SLC1A3: variants seen among roughly 807,000 people sequenced by gnomAD.
SLC1A3 encodes solute carrier family 1 member 3, also known as excitatory amino acid transporter 1.
A neutral mutation model predicts 48.1 loss-of-function variants in SLC1A3; 21 were observed. The observed-to-expected ratio is 0.44, with a 90% CI of 0.31 to 0.63. The LOEUF (loss-of-function observed/expected upper bound fraction) is 0.63, where lower values mean the gene tolerates loss of function less well. Ranked by LOEUF, SLC1A3 falls within the 20% of genes least tolerant of loss-of-function variation. The probability of loss-of-function intolerance (pLI) is 0.08; values close to 1 mark genes in which losing one functional copy is unlikely to be tolerated. For missense variants in SLC1A3, 546 were observed against 689.0 expected (o/e 0.79, Z 2.32); for synonymous variants, 239 against 251.4 (o/e 0.95, Z 0.47).
At chr5:36,674,249 A>G (rs1356101497) in intron 5 of SLC1A3, among the ~76,000 whole-genome samples, 158 bp downstream of exon 5, 2 of 152,068 alleles carry the variant, frequency 1.3e-5, no homozygotes, top group Non-Finnish European at 2.9e-5. Context: ...TTTTGGGGGG[A>G]AAGGATGGTT....
intron 2 of SLC1A3, among the ~76,000 whole-genome samples, chr5:36,616,362 G>A (rs1424850519): frequency 6.6e-6 from 1 of 152,204 alleles, no homozygotes; most frequent in Middle Eastern, 3.2e-3. Context: ...TTAGATAAAG[G>A]AAGATATACC....
chr5:36,611,090 T>C (rs1000425075), intron 2 of SLC1A3, among the ~76,000 whole-genome samples: 1 of 152,138 alleles, frequency 6.6e-6, no homozygotes, highest in African/African-American at 2.4e-5. Context: ...GTTCCATGTC[T>C]ACCAGTCCTA....
At chr5:36,651,309 T>C (rs1017666633) in intron 3 of SLC1A3, among the ~76,000 whole-genome samples, 11 of 151,598 alleles carry the variant, frequency 7.3e-5, no homozygotes, top group African/African-American at 2.7e-4. Context: ...GGCAACACCA[T>C]ATTGATCCTA....
intron 1 of SLC1A3, among the ~76,000 whole-genome samples, chr5:36,596,721 T>C (rs538367043): frequency 3.9e-5 from 6 of 152,228 alleles, no homozygotes; most frequent in African/African-American, 1.4e-4. Context: ...ACAGCAAACA[T>C]CTAAAAAGAG....
intron 3 of SLC1A3, among the ~76,000 whole-genome samples, chr5:36,644,917 G>C (rs1740774592): frequency 6.6e-6 from 1 of 152,146 alleles, no homozygotes; most frequent in Non-Finnish European, 1.5e-5. Flanking sequence ...TGCAACAGGA[G>C]GACCTCTGGA....
intron 3 of SLC1A3, among the ~76,000 whole-genome samples, chr5:36,661,303 T>C (rs745643261): frequency 6.4e-4 from 98 of 152,142 alleles, no homozygotes; most frequent in Admixed American, 2.3e-3. Flanking sequence ...TCCCAGCTAC[T>C]TGGGAGGCTG....
In SLC1A3 at chr5:36,665,815, C is replaced by T. The variant is rs573074741; in HGVS notation, c.320-5214C>T. ...GAACTCTTAACCACTGTGCCACTGT[C>T]TCTTAGATTACATTCCGAGGCTATC... On this transcript the variant is annotated intron_variant, in intron 3 of 9. Transcript: ENST00000265113. Among the ~76,000 whole-genome samples the T allele has an allele frequency of 9.2e-5, 14 of 152,278 alleles. No homozygotes were observed. In the South Asian group the frequency reaches 1.0e-3, roughly 11 times the overall value.
intron 3 of SLC1A3, among the ~76,000 whole-genome samples, chr5:36,646,398 C>A (rs891321339): frequency 6.6e-6 from 1 of 152,146 alleles, no homozygotes; most frequent in African/African-American, 2.4e-5. Context: ...CATAAAATAA[C>A]CCTCAAAAAA....
In SLC1A3 at chr5:36,687,520, G is replaced by C. The variant is rs1451188616; in HGVS notation, c.*1251G>C. The C allele has an allele frequency of 1.3e-5, 2 of 152,114 alleles. No individual in the cohort carries two copies. The highest frequency in any genetic ancestry group is 4.8e-5 in the African/African-American group (2 of 41,406). The allele number at this position is 152,114 out of a possible 1,614,324, so 9.4% of individuals were successfully genotyped here. A position where few individuals can be genotyped will look rare whatever the true frequency, so the allele number is the denominator to read the frequency against. On this transcript the variant is annotated 3_prime_UTR_variant, in exon 10 of 10. Transcript: ENST00000265113. The stretch of plus-strand genomic sequence containing the variant: ...CATAAGACGACTTATATATTTGAAA[G>C]AAGTCAAATGAATGAGCTCTCTAAT...
chr5:36,615,501 C>T (rs977128546), intron 2 of SLC1A3, among the ~76,000 whole-genome samples: 6 of 152,196 alleles, frequency 3.9e-5, no homozygotes, highest in Non-Finnish European at 8.8e-5. Context: ...CCTTCTCTCC[C>T]TTTGACCTCT....
At chr5:36,661,430 A>AGAAAC (rs1741511115) in intron 3 of SLC1A3, among the ~76,000 whole-genome samples, 2 of 152,264 alleles carry the variant, frequency 1.3e-5, no homozygotes, top group Admixed American at 1.3e-4. Context: ...AGAAAAGAAA[A>AGAAAC]GAAACAAGGT....
intron 3 of SLC1A3, among the ~76,000 whole-genome samples, chr5:36,649,124 A>G (rs1483312429): frequency 1.3e-5 from 2 of 152,038 alleles, no homozygotes; most frequent in African/African-American, 2.4e-5. Context: ...TGGGTGGATC[A>G]CCTGAGATTG....
chr5:36,673,192 T>G (rs542774080), intron 4 of SLC1A3, among the ~76,000 whole-genome samples: 1 of 152,256 alleles, frequency 6.6e-6, no homozygotes, highest in African/African-American at 2.4e-5. Flanking sequence ...GGACAAGCAT[T>G]TATAATACTA....
chr5:36,680,651 C>A, intron 8 of SLC1A3, 62 bp downstream of exon 8: 1 of 1,394,652 alleles, frequency 7.2e-7, no homozygotes, highest in Non-Finnish European at 1.0e-6. Flanking sequence ...GGCGTGGTGG[C>A]TCACGCCTGT....
rs781439786 is a variant in SLC1A3 at position 36,686,295 on chromosome 5, A to G, written c.*26A>G. 1 of 1,540,546 alleles carries G rather than the reference A, an allele frequency of 6.5e-7. No homozygotes were observed. ...ACTAACATAAAGAAACACTTTCTTG[A>G]GCACCAGGTGTTAAAAACCATTATA... On this transcript the variant is annotated 3_prime_UTR_variant, in exon 10 of 10. Transcript: ENST00000265113.
chr5:36,598,877 C>T (rs1281597110), intron 1 of SLC1A3, among the ~76,000 whole-genome samples: 1 of 152,180 alleles, frequency 6.6e-6, no homozygotes, highest in African/African-American at 2.4e-5. Flanking sequence ...GTCCGCCAAC[C>T]TTGGCCTTCC....
intron 2 of SLC1A3, among the ~76,000 whole-genome samples, chr5:36,625,088 C>T (rs556416275): frequency 6.6e-6 from 1 of 152,328 alleles, no homozygotes. Flanking sequence ...TGTAGAATCC[C>T]TCCACTCAAC....
At chr5:36,662,487 G>C (rs949086579) in intron 3 of SLC1A3, among the ~76,000 whole-genome samples, 1 of 152,156 alleles carries the variant, frequency 6.6e-6, no homozygotes, top group African/African-American at 2.4e-5. Flanking sequence ...CGACTCCCCG[G>C]CCCATGGTGG....
At chr5:36,609,049 G>A (rs1454682145) in intron 2 of SLC1A3, 1 of 992,660 alleles carries the variant, frequency 1.0e-6, no homozygotes, top group African/African-American at 1.7e-5. Flanking sequence ...GTGCTGACTT[G>A]AAGCTGAGTA....
Sources: allele counts gnomAD v4.1 joint callset (sites outside exome capture counted in the v4.1 genomes callset), GRCh38; gene constraint gnomAD v4.1.1; transcripts MANE v1.5; gene names NCBI Gene and HGNC (gene_info 2026-07-23, HGNC 2026-07-21).